The following CCDC178 variants were observed in gnomAD, a reference collection of about 807,000 sequenced individuals.
CCDC178 encodes the protein coiled-coil domain-containing protein 178.
Under a neutral mutation model 117.4 loss-of-function variants are expected in CCDC178, and 126 were observed. The ratio of observed to expected loss-of-function variants is 1.07; its 90% CI spans 0.93 to 1.24. The LOEUF is 1.24. CCDC178 is among the 50% of genes most tolerant of loss of function. CCDC178 has a pLI of 0.00. For missense variants in CCDC178, 1,030 were observed against 986.9 expected (o/e 1.04, Z -0.59); for synonymous variants, 283 against 313.4 (o/e 0.90, Z 1.02).
At chr18:32,979,688 T>C (rs1190746490) in intron 21 of CCDC178, among the ~76,000 whole-genome samples, 1 of 152,130 alleles carries the variant, frequency 6.6e-6, no homozygotes, top group Non-Finnish European at 1.5e-5. Flanking sequence ...CACAAAGTAG[T>C]CTACAATCTC....
intron 9 of CCDC178, among the ~76,000 whole-genome samples, chr18:33,337,135 C>CTT (rs71159820): frequency 3.5e-4 from 47 of 135,478 alleles, no homozygotes; most frequent in Middle Eastern, 7.8e-3. Context: ...TATTCCTAAG[C>CTT]TTTTTTTTTT....
At chr18:33,317,232 C>T (rs2062432415) in intron 11 of CCDC178, among the ~76,000 whole-genome samples, 1 of 152,100 alleles carries the variant, frequency 6.6e-6, no homozygotes. Context: ...TGCAGCTTCA[C>T]TCCTGAAGCC....
chr18:33,175,961 T>C (rs1483186354), intron 20 of CCDC178, among the ~76,000 whole-genome samples: 2 of 152,176 alleles, frequency 1.3e-5, no homozygotes, highest in Non-Finnish European at 2.9e-5. Context: ...ACATTCCTAC[T>C]GATTTTTTTT....
chr18:33,092,126 A>G (rs1173134724), intron 21 of CCDC178, among the ~76,000 whole-genome samples: 2 of 152,182 alleles, frequency 1.3e-5, no homozygotes, highest in Non-Finnish European at 2.9e-5. Flanking sequence ...GAAAACAAAT[A>G]TTTAAGGAAA....
chr18:33,211,052 A>T (rs1190852321), intron 20 of CCDC178, among the ~76,000 whole-genome samples: 2 of 151,838 alleles, frequency 1.3e-5, no homozygotes, highest in Non-Finnish European at 2.9e-5. Flanking sequence ...AGGGAAAGTA[A>T]TGGAAATATT....
At chr18:33,126,936 T>G (rs1180303677) in intron 20 of CCDC178, among the ~76,000 whole-genome samples, 1 of 150,650 alleles carries the variant, frequency 6.6e-6, no homozygotes, top group Non-Finnish European at 1.5e-5. Flanking sequence ...ATTATAGGCA[T>G]GAGCCACTGT....
At chr18:32,973,265 A>G (rs8090992) in intron 22 of CCDC178, among the ~76,000 whole-genome samples, 147,239 of 152,166 alleles carry the variant, frequency 0.97, 71,296 homozygotes, top group Non-Finnish European at 0.99. Context: ...AGATTTTTAA[A>G]AACATTTGGA....
chr18:33,184,556 G>A (rs1304673104), intron 20 of CCDC178, among the ~76,000 whole-genome samples: 1 of 152,020 alleles, frequency 6.6e-6, no homozygotes, highest in Non-Finnish European at 1.5e-5. Context: ...ACACTGACCA[G>A]AAAACGAAGA....
intron 20 of CCDC178, among the ~76,000 whole-genome samples, chr18:33,152,055 C>G (rs1049660141): frequency 6.6e-6 from 1 of 152,060 alleles, no homozygotes; most frequent in African/African-American, 2.4e-5. Flanking sequence ...AAAATAGATG[C>G]AGGCCAAAAG....
intron 3 of CCDC178, among the ~76,000 whole-genome samples, chr18:33,404,781 A>T (rs542262391): frequency 6.6e-6 from 1 of 152,260 alleles, no homozygotes; most frequent in South Asian, 2.1e-4. Flanking sequence ...TCAGTCATAC[A>T]AAGGAATTAA....
At chr18:33,172,739 G>C (rs1303129558) in intron 20 of CCDC178, among the ~76,000 whole-genome samples, 1 of 152,082 alleles carries the variant, frequency 6.6e-6, no homozygotes, top group Non-Finnish European at 1.5e-5. Context: ...TCTGGTGGGT[G>C]TTTTCAAAAT....
intron 11 of CCDC178, among the ~76,000 whole-genome samples, chr18:33,321,053 C>G (rs2062501415): frequency 6.6e-6 from 1 of 152,156 alleles, no homozygotes; most frequent in East Asian, 1.9e-4. Flanking sequence ...AAAGCTGAAA[C>G]TGGATCCCTT....
At chr18:33,187,087 GA>G (rs2058803652) in intron 20 of CCDC178, among the ~76,000 whole-genome samples, 3 of 36,254 alleles carry the variant, frequency 8.3e-5, no homozygotes, top group Admixed American at 2.7e-4. Context: ...ATGGCGGCAG[GA>G]GAGAGAGAGA....
chr18:33,367,137 G>A (rs951889662), intron 6 of CCDC178, among the ~76,000 whole-genome samples: 1 of 152,002 alleles, frequency 6.6e-6, no homozygotes, highest in African/African-American at 2.4e-5. Context: ...CATAGTAGGT[G>A]TATATATTTA....
At chr18:33,438,409 T>G (rs2064322242) in intron 2 of CCDC178, among the ~76,000 whole-genome samples, 1 of 152,220 alleles carries the variant, frequency 6.6e-6, no homozygotes, top group East Asian at 1.9e-4. Context: ...TAGCAAGATC[T>G]GAATAAATAG....
intron 11 of CCDC178, among the ~76,000 whole-genome samples, chr18:33,302,419 G>A (rs1371076536): frequency 6.6e-6 from 1 of 152,152 alleles, no homozygotes; most frequent in Non-Finnish European, 1.5e-5. Context: ...CTGCTGGTGG[G>A]AATGTAAACT....
chr18:33,090,257 A>G (rs1395206900), intron 21 of CCDC178, among the ~76,000 whole-genome samples: 1 of 152,208 alleles, frequency 6.6e-6, no homozygotes, highest in Non-Finnish European at 1.5e-5. Flanking sequence ...GAAAATGTAT[A>G]CTTTGTATAG....
chr18:33,085,562 C>CA (rs1362174718), intron 21 of CCDC178, among the ~76,000 whole-genome samples: 1 of 151,570 alleles, frequency 6.6e-6, no homozygotes, highest in Non-Finnish European at 1.5e-5. Flanking sequence ...GATTCCGTCT[C>CA]AAAAAAATAA....
At chr18:33,405,624 T>A (rs899729304) in intron 3 of CCDC178, among the ~76,000 whole-genome samples, 2 of 151,968 alleles carry the variant, frequency 1.3e-5, no homozygotes, top group Non-Finnish European at 2.9e-5. Context: ...TTCAAGTATA[T>A]AGGCCAGAGA....
Sources: gnomAD v4.1 joint callset for allele counts (sites outside exome capture counted in the v4.1 genomes callset) on GRCh38, gnomAD v4.1.1 for gene constraint, MANE v1.5 for transcripts, NCBI Gene and HGNC (gene_info 2026-07-23, HGNC 2026-07-21) for gene names.